The following USP39 variants were observed in gnomAD, a reference collection of about 807,000 sequenced individuals.
The protein encoded by USP39 is ubiquitin specific peptidase 39, also known as ubiquitin carboxyl-terminal hydrolase 39.
A neutral mutation model predicts 66.4 loss-of-function variants in USP39; 38 were observed. The ratio of observed to expected loss-of-function variants is 0.57; its 90% CI spans 0.44 to 0.75. The LOEUF (loss-of-function observed/expected upper bound fraction) is 0.75, where lower values mean the gene tolerates loss of function less well. Ranked by LOEUF, USP39 falls within the 30% of genes least tolerant of loss-of-function variation. The probability of loss-of-function intolerance (pLI) is 0.00; values close to 1 mark genes in which losing one functional copy is unlikely to be tolerated. For synonymous variants in USP39, 303 were observed against 274.6 expected (o/e 1.10, Z -1.02); for missense variants, 608 against 714.4 (o/e 0.85, Z 1.70).
intron 6 of USP39, among the ~76,000 whole-genome samples, chr2:85,633,898 C>T (rs867311195): frequency 5.7e-4 from 65 of 114,216 alleles, no homozygotes; most frequent in African/African-American, 1.9e-3. Flanking sequence ...AGTGCAGTGG[C>T]GGGATCTCGG....
chr2:85,622,618 AT>A (rs56707752), intron 3 of USP39, among the ~76,000 whole-genome samples: 14,952 of 135,192 alleles, frequency 0.11, 2,219 homozygotes, highest in African/African-American at 0.35. Flanking sequence ...CCAGGCTACA[AT>A]TTTTTTTTTT....
Position 85,637,369 on chromosome 2 carries a change from C to G in USP39, c.1028C>G (p.Thr343Ser). 1 of 1,614,166 alleles carries G rather than the reference C, an allele frequency of 6.2e-7. No individual in the cohort carries two copies. ...TGTCTCTTGCTTCCTGTTTGTGCAGCTATTGTGACTGATGTTTTCCAGGGG... is the reference window on the plus strand; with the variant it reads ...TGTCTCTTGCTTCCTGTTTGTGCAGGTATTGTGACTGATGTTTTCCAGGGG... ...ALGGTKKKKKTIVTDVFQGSM... is the reference protein window; with the variant it reads ...ALGGTKKKKKSIVTDVFQGSM... The change falls in exon 8 of 13, where the codon ACT becomes AGT. Residue 343 changes from threonine (T) to serine (S), a missense_variant and splice_region_variant. Around this residue, in one of 6 missense-constraint regions of USP39, gnomAD observed 72 missense variants for 60.1 expected, o/e 1.20. Transcript: ENST00000323701.
At chr2:85,647,548 C>T (rs1676738331) in intron 11 of USP39, among the ~76,000 whole-genome samples, 1 of 151,660 alleles carries the variant, frequency 6.6e-6, no homozygotes, top group African/African-American at 2.4e-5. Context: ...GTAGTTCCAG[C>T]TACCTGGGAG....
At chr2:85,631,865 C>T (rs939048625) in intron 6 of USP39, among the ~76,000 whole-genome samples, 2 of 152,086 alleles carry the variant, frequency 1.3e-5, no homozygotes, top group Non-Finnish European at 2.9e-5. Context: ...TCTCCTGCCT[C>T]AGCCTCCCAA....
rs1296684316 is a variant in USP39, at chr2:85,621,236, C to T, written c.339-249C>T. ...AGTGACTGCAATGGAAAGTCCTGAA[C>T]TGGTTACAAACACTAATGAGAAAGA... On this transcript the variant is annotated intron_variant, in intron 2 of 12. Coordinates refer to ENST00000323701, the MANE Select transcript of USP39 (RefSeq NM_006590.4). 2.2e-5 allele frequency: 8 copies of T among 360,504 alleles called. No homozygotes were observed. The East Asian group carries it at 3.1e-4, about 14-fold the overall frequency. The allele number at this position is 360,504 out of a possible 1,614,324, so 22.3% of individuals were successfully genotyped here. A position where few individuals can be genotyped will look rare whatever the true frequency, so the allele number is the denominator to read the frequency against.
upstream of USP39, chr2:85,608,803 G>GATC: frequency 9.5e-7 from 1 of 1,056,084 alleles, no homozygotes; most frequent in Non-Finnish European, 1.3e-6. Flanking sequence ...GCCAGGTGTA[G>GATC]TCCTGCAACA....
At chr2:85,638,618 A>G (rs1322238046) in intron 8 of USP39, among the ~76,000 whole-genome samples, 1 of 149,304 alleles carries the variant, frequency 6.7e-6, no homozygotes, top group Non-Finnish European at 1.5e-5. Context: ...GGCTCACCGC[A>G]ACCTCCGCCT....
At chr2:85,635,241 A>C (rs972518329) in intron 6 of USP39, among the ~76,000 whole-genome samples, 3 of 152,204 alleles carry the variant, frequency 2.0e-5, no homozygotes, top group African/African-American at 4.8e-5. Flanking sequence ...AACTAAATAG[A>C]AGCAAATCTT....
chr2:85,627,627 TTAAA>T (rs1028064930), intron 5 of USP39, among the ~76,000 whole-genome samples: 2 of 150,692 alleles, frequency 1.3e-5, no homozygotes, highest in Non-Finnish European at 3.0e-5. Context: ...CTGTCTCTAT[TTAAA>T]AAAAAAAAAA....
At chr2:85,648,075 G>A (rs1472913418) in intron 12 of USP39, 59 bp downstream of exon 12, 5 of 1,576,560 alleles carry the variant, frequency 3.2e-6, no homozygotes, top group African/African-American at 1.3e-5. Flanking sequence ...CCAGTGAGAG[G>A]AGTGGGCCAA....
upstream of USP39, among the ~76,000 whole-genome samples, chr2:85,613,427 G>A (rs773184324): frequency 1.3e-4 from 20 of 152,034 alleles, no homozygotes; most frequent in Non-Finnish European, 2.6e-4. Context: ...CAGGAGAATC[G>A]CTTGAACCCG....
chr2:85,625,132 T>G (rs767309784), intron 4 of USP39, among the ~76,000 whole-genome samples: 1 of 152,168 alleles, frequency 6.6e-6, no homozygotes. Flanking sequence ...CAGGGACTCA[T>G]GGAGATCCTC....
intron 11 of USP39, 193 bp downstream of exon 11, chr2:85,645,276 G>T: frequency 7.4e-6 from 4 of 543,086 alleles, no homozygotes; most frequent in South Asian, 2.6e-5. Flanking sequence ...CACCTTGGGA[G>T]CTTTTTTTTT....
At chr2:85,611,167 C>T (rs974855378), upstream of USP39, 1 of 878,078 alleles carries the variant, frequency 1.1e-6, no homozygotes, top group African/African-American at 1.8e-5. Context: ...CAGATCGCAC[C>T]ATTGCACTCC....
At chr2:85,619,044 T>C (rs954335929) in intron 1 of USP39, among the ~76,000 whole-genome samples, 176 bp from the exon 2 acceptor site, 1 of 152,184 alleles carries the variant, frequency 6.6e-6, no homozygotes, top group Non-Finnish European at 1.5e-5. Context: ...GTGCTGGGAT[T>C]ATAGGCATGA....
At chr2:85,608,547 CAT>C (rs981516928), upstream of USP39, 5 of 161,388 alleles carry the variant, frequency 3.1e-5, no homozygotes, top group African/African-American at 1.2e-4. Context: ...ACAGAAGAAA[CAT>C]AAAATAACAA....
At chr2:85,616,185 C>A (rs374724056), upstream of USP39, 145 of 1,428,836 alleles carry the variant, frequency 1.0e-4, no homozygotes, top group African/African-American at 2.0e-3. Context: ...ACGACTCGGC[C>A]GGTAGTGGAG....
chr2:85,632,837 A>G (rs1675463885), intron 6 of USP39, among the ~76,000 whole-genome samples: 1 of 152,100 alleles, frequency 6.6e-6, no homozygotes, highest in Non-Finnish European at 1.5e-5. Context: ...TCAGCTGAAC[A>G]TGTGGGAGGT....
chr2:85,603,577 TTTTTAC>T (rs1302325861), intron 1 of USP39, among the ~76,000 whole-genome samples: 3 of 152,056 alleles, frequency 2.0e-5, no homozygotes, highest in Non-Finnish European at 4.4e-5. Context: ...GTTTCTTTTT[TTTTTAC>T]TTTTTCTTTT....
Sources: allele counts gnomAD v4.1 joint callset (sites outside exome capture counted in the v4.1 genomes callset), GRCh38; gene constraint gnomAD v4.1.1; regional missense constraint gnomAD v4.1.1; transcripts MANE v1.5; gene names NCBI Gene and HGNC (gene_info 2026-07-23, HGNC 2026-07-21).